KLHDC2: variants seen among roughly 807,000 people sequenced by gnomAD.
KLHDC2 encodes the protein kelch domain-containing protein 2.
A neutral mutation model predicts 62.3 loss-of-function variants in KLHDC2; 38 were observed. The observed-to-expected ratio is 0.61, with a 90% CI of 0.47 to 0.80. The LOEUF (loss-of-function observed/expected upper bound fraction) is 0.80, where lower values mean the gene tolerates loss of function less well. KLHDC2 is among the 30% of genes least tolerant of loss of function. KLHDC2 has a pLI of 0.00. For synonymous variants in KLHDC2, 159 were observed against 161.0 expected, an observed-to-expected ratio of 0.99 and a Z score of 0.09; for missense variants, 430 against 495.3, an observed-to-expected ratio of 0.87 and a Z score of 1.25.
Position 49,784,594 on chromosome 14 carries a change from A to T in KLHDC2, c.*1641A>T. 1 of 1,408,440 alleles carries T rather than the reference A, an allele frequency of 7.1e-7. No individual in the cohort carries two copies. The highest frequency in any genetic ancestry group is 1.2e-5 in the South Asian group (1 of 82,912). 87.2% of individuals were successfully genotyped at this position (1,408,440 alleles called of 1,614,324 possible). On this transcript the variant is annotated 3_prime_UTR_variant, in exon 13 of 13. Coordinates refer to ENST00000298307, the MANE Select transcript of KLHDC2 (RefSeq NM_014315.3). ...TTCATCTTTGAACTTCCAAAAGGCT[A>T]TAAAATTGGCTCTTCTCAAATATTT...
At chr14:49,770,936 G>T (rs1039293393) in intron 1 of KLHDC2, among the ~76,000 whole-genome samples, 1 of 152,256 alleles carries the variant, frequency 6.6e-6, no homozygotes, top group Non-Finnish European at 1.5e-5. Flanking sequence ...TCGTGTTAGC[G>T]TGGATCAGGC....
chr14:49,779,025 T>C (rs961916230), intron 6 of KLHDC2, among the ~76,000 whole-genome samples: 4 of 152,170 alleles, frequency 2.6e-5, no homozygotes, highest in Non-Finnish European at 5.9e-5. Context: ...GCCCAACCTA[T>C]CTAATACACT....
intron 3 of KLHDC2, among the ~76,000 whole-genome samples, chr14:49,776,542 C>T (rs1263348413): frequency 1.3e-5 from 2 of 151,824 alleles, no homozygotes; most frequent in Admixed American, 6.6e-5. Flanking sequence ...AAATAGACAC[C>T]GAACATGTAT....
Position 49,785,922 on chromosome 14 carries a change from A to G in KLHDC2, c.*2969A>G, listed in dbSNP as rs1425716533. 1 of 151,472 alleles carries G rather than the reference A, an allele frequency of 6.6e-6. No homozygotes were observed. Among genetic ancestry groups the G allele is most frequent in the Admixed American group, 6.6e-5 (1 of 15,130 alleles). The allele number at this position is 151,472 out of a possible 1,614,324, so 9.4% of individuals were successfully genotyped here. A position where few individuals can be genotyped will look rare whatever the true frequency, so the allele number is the denominator to read the frequency against. ...AAAAAAAAAGGAAAAAAACTATTGGATATTACCTGAGTTGCAGAAACCTGC... is the reference window on the plus strand; with the variant it reads ...AAAAAAAAAGGAAAAAAACTATTGGGTATTACCTGAGTTGCAGAAACCTGC... On this transcript the variant is annotated 3_prime_UTR_variant, in exon 13 of 13. Transcript: ENST00000298307.
chr14:49,771,167 G>GTCTCTA (rs1889655801), intron 1 of KLHDC2, among the ~76,000 whole-genome samples: 1 of 152,054 alleles, frequency 6.6e-6, no homozygotes. Flanking sequence ...TGGCCAACAT[G>GTCTCTA]GTGAAACCCT....
In KLHDC2 at chr14:49,783,022, C is replaced by G. The variant is rs973595016; in HGVS notation, c.*69C>G. 2 of 1,506,610 alleles carry G rather than the reference C, an allele frequency of 1.3e-6. No homozygotes were observed. Among genetic ancestry groups the G allele is most frequent in the East Asian group, 2.3e-5 (1 of 43,654 alleles). 93.3% of individuals were successfully genotyped at this position (1,506,610 alleles called of 1,614,324 possible). A position where few individuals can be genotyped will look rare whatever the true frequency, so the allele number is the denominator to read the frequency against. On this transcript the variant is annotated 3_prime_UTR_variant, in exon 13 of 13. Coordinates refer to ENST00000298307, the MANE Select transcript of KLHDC2 (RefSeq NM_014315.3). ...TCCTGTAAACATCACAGAGTGGCAT[C>G]ATTTGTATAATTATATGCATTGTTG...
At chr14:49,782,050 A>T in intron 10 of KLHDC2, 1 of 258,308 alleles carries the variant, frequency 3.9e-6, no homozygotes, top group Non-Finnish European at 7.3e-6. Context: ...AGTTGGCCCT[A>T]CCTATGGAAG....
chr14:49,778,084 C>A, intron 4 of KLHDC2, 94 bp from the exon 5 acceptor site: 2 of 938,308 alleles, frequency 2.1e-6, no homozygotes, highest in Non-Finnish European at 3.4e-6. Context: ...TGAATTAATA[C>A]ATGAAAGCAT....
intron 2 of KLHDC2, among the ~76,000 whole-genome samples, chr14:49,772,827 G>T (rs1052660665): frequency 1.3e-5 from 2 of 152,058 alleles, no homozygotes; most frequent in Non-Finnish European, 2.9e-5. Flanking sequence ...ATGATGGCAG[G>T]TGCCTATAAT....
chr14:49,780,007 C>A, intron 8 of KLHDC2: 1 of 614,926 alleles, frequency 1.6e-6, no homozygotes, highest in Non-Finnish European at 2.9e-6. Flanking sequence ...AGCATGTGCT[C>A]AGTGTTTGTT....
chr14:49,778,056 G>A, intron 4 of KLHDC2, 102 bp downstream of exon 4: 2 of 897,752 alleles, frequency 2.2e-6, no homozygotes, highest in Non-Finnish European at 3.6e-6. Flanking sequence ...ACCTCATAGG[G>A]CCCATATGAA....
rs1045713013 is a variant in KLHDC2 at position 49,775,731 on chromosome 14, A to T, written c.351+1053A>T. Among the ~76,000 whole-genome samples the T allele has an allele frequency of 2.0e-4, 29 of 144,164 alleles. No homozygotes were observed. In the Admixed American group the frequency reaches 2.2e-3, roughly 11 times the overall value. 94.6% of individuals were successfully genotyped at this position (144,164 alleles called of 152,430 possible). A position where few individuals can be genotyped will look rare whatever the true frequency, so the allele number is the denominator to read the frequency against. ...AATCTCCGCCTCCCAGGTTCAAGTGATTCTCGTACCTCAGCCTCCTGAGTA... is the reference window on the plus strand; with the variant it reads ...AATCTCCGCCTCCCAGGTTCAAGTGTTTCTCGTACCTCAGCCTCCTGAGTA... On this transcript the variant is annotated intron_variant, in intron 3 of 12. Transcript: ENST00000298307.
intron 6 of KLHDC2, 56 bp downstream of exon 6, chr14:49,778,550 G>A (rs1889820027): frequency 3.1e-6 from 2 of 635,350 alleles, no homozygotes; most frequent in Non-Finnish European, 5.6e-6. Context: ...GTGGGGAGGG[G>A]TGGGGTAGGG....
chr14:49,783,232 T>TC lies in KLHDC2; in HGVS notation c.*280dup. The TC allele has an allele frequency of 3.9e-6, 1 of 256,728 alleles. No individual in the cohort carries two copies. The highest frequency in any genetic ancestry group is 7.3e-6 in the Non-Finnish European group (1 of 136,814). The allele number at this position is 256,728 out of a possible 1,614,324, so 15.9% of individuals were successfully genotyped here. On this transcript the variant is annotated 3_prime_UTR_variant, in exon 13 of 13. Transcript: ENST00000298307. ...CTTTTCAGTAACTTCAGGATATGTATCTGTAGAAACATTATAGTCTTACCA... is the reference window on the plus strand; with the variant it reads ...CTTTTCAGTAACTTCAGGATATGTATCCTGTAGAAACATTATAGTCTTACCA...
rs116844294 is a variant in KLHDC2, at chr14:49,780,216, T to C, written c.777T>C (p.Ile259=). 3.5e-4 allele frequency: 562 copies of C among 1,592,500 alleles called. 3 individuals carry two copies. In the East Asian group the frequency reaches 0.01, roughly 29 times the overall value. ...NLDTWEWNEL[I]PQGICPVGRS... is the part of the protein sequence containing the mutation. ...GTAACTTAGCTATTATTTTCAGAAT[T>C]CCACAAGGCATATGCCCAGTTGGTC... Residue 259 remains isoleucine, a synonymous_variant, in exon 9 of 13, where the codon ATT becomes ATC. Transcript: ENST00000298307.
intron 10 of KLHDC2, among the ~76,000 whole-genome samples, chr14:49,781,829 A>T (rs1057470138): frequency 5.9e-5 from 9 of 152,242 alleles, no homozygotes; most frequent in African/African-American, 2.2e-4. Flanking sequence ...TTCTCTTGTT[A>T]ATCTCAGAAC....
chr14:49,776,621 A>G (rs542332807), intron 3 of KLHDC2, among the ~76,000 whole-genome samples: 3 of 152,088 alleles, frequency 2.0e-5, no homozygotes, highest in Non-Finnish European at 2.9e-5. Context: ...TCTGATACCC[A>G]TAAAATAAAT....
At chr14:49,776,333 G>A (rs1460760456) in intron 3 of KLHDC2, among the ~76,000 whole-genome samples, 4 of 152,112 alleles carry the variant, frequency 2.6e-5, no homozygotes, top group Non-Finnish European at 5.9e-5. Context: ...GAGTGGCTAG[G>A]GTTGTGTGTT....
At chr14:49,782,283 G>T (rs1228266521) in intron 10 of KLHDC2, 87 bp from the exon 11 acceptor site, 1 of 809,390 alleles carries the variant, frequency 1.2e-6, no homozygotes, top group Non-Finnish European at 2.0e-6. Context: ...AAGATCGCTA[G>T]TCTTTATTTC....
Sources: gnomAD v4.1 joint callset for allele counts (sites outside exome capture counted in the v4.1 genomes callset) on GRCh38, gnomAD v4.1.1 for gene constraint, MANE v1.5 for transcripts, NCBI Gene and HGNC (gene_info 2026-07-23, HGNC 2026-07-21) for gene names.